Variants in WDFY3 observed in about 807,000 individuals in gnomAD.
WDFY3 encodes WD repeat and FYVE domain-containing protein 3.
Under a neutral mutation model 409.6 loss-of-function variants are expected in WDFY3, and 66 were observed. The ratio of observed to expected loss-of-function variants is 0.16; its 90% CI spans 0.13 to 0.20. WDFY3 has a LOEUF of 0.20. WDFY3 is among the 10% of genes least tolerant of loss of function. The pLI is 1.00. For missense variants in WDFY3, 3,031 were observed against 4,298.1 expected, an observed-to-expected ratio of 0.71 and a Z score of 8.24; for synonymous variants, 1,521 against 1,537.1, an observed-to-expected ratio of 0.99 and a Z score of 0.25.
intron 9 of WDFY3, 28 bp downstream of exon 9, chr4:84,828,976 A>G (rs1451043556): frequency 5.8e-6 from 9 of 1,538,484 alleles, no homozygotes; most frequent in Non-Finnish European, 7.9e-6. Flanking sequence ...AGACATTTAA[A>G]ATACATTCTT....
In WDFY3 at chr4:84,810,035, C is replaced by T. The variant is rs375618086; in HGVS notation, c.2197G>A (p.Ala733Thr). The change falls in exon 14 of 68, where the codon GCC (alanine) becomes ACC (threonine). Residue 733 changes from alanine (A) to threonine (T), a missense_variant. Ala to Thr is a moderately conservative substitution (Grantham distance 58). Transcript: ENST00000295888. ...GCFSDLRKIS[A>T]MNVFPSNTQP... Reference sequence around the variant, plus strand: ...GTATTTGAGGGGAAGACATTCATGGCGCTTATTTTTCTTAGGTCTGAGAAG... The same window carrying T: ...GTATTTGAGGGGAAGACATTCATGGTGCTTATTTTTCTTAGGTCTGAGAAG... 104 of 1,614,022 alleles carry T rather than the reference C, an allele frequency of 6.4e-5. No individual in the cohort carries two copies. Among genetic ancestry groups the T allele is most frequent in the Non-Finnish European group, 7.5e-5 (89 of 1,180,008 alleles).
intron 2 of WDFY3, among the ~76,000 whole-genome samples, chr4:84,926,653 TA>T (rs1407357062): frequency 1.3e-5 from 2 of 152,220 alleles, no homozygotes; most frequent in Non-Finnish European, 2.9e-5. Context: ...TTTCCTCAAA[TA>T]GTCTAAAGCC....
At chr4:84,774,478 T>C (rs1745217540) in intron 29 of WDFY3, among the ~76,000 whole-genome samples, 1 of 152,232 alleles carries the variant, frequency 6.6e-6, no homozygotes, top group African/African-American at 2.4e-5. Context: ...TATGCGTGCT[T>C]GTGCACATAC....
At chr4:84,692,153 T>G (rs141213177) in intron 59 of WDFY3, among the ~76,000 whole-genome samples, 2 of 152,322 alleles carry the variant, frequency 1.3e-5, no homozygotes, top group East Asian at 1.9e-4. Flanking sequence ...TCCCAAGTTA[T>G]AGCCAGACCT....
rs1434707924 is a variant in WDFY3 at position 84,690,355 on chromosome 4, CA to C, written c.9363+150del. ...ACCTATTCTGATTTCCTTTTTTTTT[CA>C]AAAAAGTATTTCTAGCAACAGAACG... is the stretch of plus-strand genomic sequence containing the variant. On this transcript the variant is annotated intron_variant, in intron 61 of 67. Transcript: ENST00000295888. 5 of 1,105,278 alleles carry C rather than the reference CA, an allele frequency of 4.5e-6. No homozygotes were observed. The Admixed American group carries it at 1.5e-4, about 33-fold the overall frequency. 68.5% of individuals were successfully genotyped at this position (1,105,278 alleles called of 1,614,324 possible). A position where few individuals can be genotyped will look rare whatever the true frequency, so the allele number is the denominator to read the frequency against.
intron 35 of WDFY3, among the ~76,000 whole-genome samples, chr4:84,752,291 A>C (rs1740665398): frequency 6.6e-6 from 1 of 152,210 alleles, no homozygotes; most frequent in African/African-American, 2.4e-5. Flanking sequence ...ACATAGGCAG[A>C]TCACCTGAGA....
intron 21 of WDFY3, among the ~76,000 whole-genome samples, chr4:84,790,769 C>T (rs1748379343): frequency 1.3e-5 from 2 of 152,052 alleles, no homozygotes; most frequent in African/African-American, 2.4e-5. Flanking sequence ...AGTAAAGAAA[C>T]TAATAATCAA....
At chr4:84,918,860 T>C (rs1454382943) in intron 2 of WDFY3, among the ~76,000 whole-genome samples, 2 of 151,440 alleles carry the variant, frequency 1.3e-5, no homozygotes, top group East Asian at 1.9e-4. Flanking sequence ...CATATATATA[T>C]ATACACACAC....
chr4:84,755,141 G>C, intron 34 of WDFY3, 125 bp downstream of exon 34: 2 of 1,373,094 alleles, frequency 1.5e-6, no homozygotes, highest in Non-Finnish European at 2.0e-6. Context: ...TAACATAAGA[G>C]TCTGAAGTTC....
chr4:84,831,613 A>T lies in WDFY3; in HGVS notation c.577-8T>A, dbSNP rs749728537. 18 of 1,597,208 alleles carry T rather than the reference A, an allele frequency of 1.1e-5. No homozygotes were observed. Among genetic ancestry groups the T allele is most frequent in the Non-Finnish European group, 1.2e-5 (14 of 1,170,690 alleles). On this transcript the variant is annotated splice_region_variant and splice_polypyrimidine_tract_variant and intron_variant, in intron 7 of 67. Transcript: ENST00000295888. The stretch of plus-strand genomic sequence containing the variant: ...GCACAGTTTCACTAAGATCTAAAAA[A>T]TAAAACAAAACAAAACAAGAGTGTA...
chr4:84,707,829 A>G (rs140265212), intron 53 of WDFY3, among the ~76,000 whole-genome samples: 1,766 of 152,344 alleles, frequency 0.012, 14 homozygotes, highest in Non-Finnish European at 0.017. Context: ...AAGCAAATAT[A>G]TAGATTCACA....
intron 2 of WDFY3, among the ~76,000 whole-genome samples, chr4:84,922,090 C>T (rs960721112): frequency 1.3e-5 from 2 of 151,626 alleles, no homozygotes; most frequent in Admixed American, 1.3e-4. Flanking sequence ...ATATCTGTAT[C>T]CGGATTCTAG....
intron 10 of WDFY3, among the ~76,000 whole-genome samples, chr4:84,825,261 C>T (rs1435442312): frequency 6.6e-6 from 1 of 151,484 alleles, no homozygotes; most frequent in African/African-American, 2.4e-5. Context: ...ATAGGAAGTA[C>T]ATTGCTGCAA....
intron 11 of WDFY3, 57 bp downstream of exon 11, chr4:84,821,027 A>C (rs1254316704): frequency 4.9e-6 from 7 of 1,443,206 alleles, no homozygotes; most frequent in Non-Finnish European, 6.5e-6. Context: ...AAGAACAAAA[A>C]ATTCTCTGTT....
chr4:84,765,771 C>T, intron 32 of WDFY3, 39 bp downstream of exon 32: 1 of 1,568,686 alleles, frequency 6.4e-7, no homozygotes. Flanking sequence ...CAAAACACAC[C>T]AGCTCATTTT....
intron 5 of WDFY3, among the ~76,000 whole-genome samples, chr4:84,841,883 T>C (rs1189210270): frequency 6.6e-6 from 1 of 152,148 alleles, no homozygotes; most frequent in Non-Finnish European, 1.5e-5. Context: ...CTAGTAGTAA[T>C]GTGTATGACA....
At chr4:84,690,354 TC>T (rs1166596610) in intron 61 of WDFY3, 151 bp downstream of exon 61, 4 of 1,123,288 alleles carry the variant, frequency 3.6e-6, no homozygotes, top group Admixed American at 5.7e-5. Context: ...CCTTTTTTTT[TC>T]AAAAAAGTAT....
chr4:84,827,006 A>T, intron 9 of WDFY3, 25 bp from the exon 10 acceptor site: 1 of 1,588,392 alleles, frequency 6.3e-7, no homozygotes, highest in Non-Finnish European at 8.5e-7. Flanking sequence ...TTTAGAAAGT[A>T]TTTTTTTTCT....
At chr4:84,706,659 T>C (rs1732002634) in intron 53 of WDFY3, among the ~76,000 whole-genome samples, 1 of 151,950 alleles carries the variant, frequency 6.6e-6, no homozygotes, top group Non-Finnish European at 1.5e-5. Flanking sequence ...ACCGGGCTGG[T>C]ACTTGAGTGC....
Sources: allele counts gnomAD v4.1 joint callset (sites outside exome capture counted in the v4.1 genomes callset), GRCh38; gene constraint gnomAD v4.1.1; transcripts MANE v1.5; gene names NCBI Gene and HGNC (gene_info 2026-07-23, HGNC 2026-07-21).